Variants in ANKS1B observed in about 807,000 individuals in gnomAD.
ANKS1B encodes the protein ankyrin repeat and sterile alpha motif domain containing 1B.
A neutral mutation model predicts 148.3 loss-of-function variants in ANKS1B; 36 were observed. The ratio of observed to expected loss-of-function variants is 0.24; its 90% CI spans 0.19 to 0.32. The LOEUF (loss-of-function observed/expected upper bound fraction) is 0.32. Among genes scored for constraint, ANKS1B ranks in the 10% least tolerant of loss-of-function variants. ANKS1B has a pLI of 1.00. For synonymous variants in ANKS1B, 542 were observed against 560.8 expected (o/e 0.97, Z 0.47); for missense variants, 1,157 against 1,542.6 (o/e 0.75, Z 4.19).
chr12:99,505,823 G>A (rs989940538), intron 9 of ANKS1B, among the ~76,000 whole-genome samples: 1 of 151,880 alleles, frequency 6.6e-6, no homozygotes, highest in African/African-American at 2.4e-5. Flanking sequence ...AAAACCCAAA[G>A]TAAGTTGAAA....
Position 99,084,976 on chromosome 12 carries a change from A to C in ANKS1B, c.2574T>G (p.Leu858=). The change falls in exon 16 of 27, where the codon CTT becomes CTG. Residue 858 remains leucine, a synonymous_variant. Coordinates refer to ENST00000683438, the MANE Select transcript of ANKS1B (RefSeq NM_001352186.2). The part of the protein sequence containing the change: ...EDQDLLEIGI[L]NSGHRQRILQ... ...GAATTCTTTGTCTGTGCCCAGAATT[A>C]AGGATTCCAATTTCCAACAAATCCT... 6.2e-7 allele frequency: 1 copy of C among 1,611,094 alleles called. No homozygotes were observed. Among genetic ancestry groups the C allele is most frequent in the Non-Finnish European group, 8.5e-7 (1 of 1,178,626 alleles).
At chr12:99,170,376 A>G (rs1786003141) in intron 14 of ANKS1B, among the ~76,000 whole-genome samples, 1 of 152,090 alleles carries the variant, frequency 6.6e-6, no homozygotes, top group African/African-American at 2.4e-5. Context: ...TGCTGCTTCT[A>G]TTTTTAATAT....
intron 2 of ANKS1B, 86 bp from the exon 3 acceptor site, chr12:99,812,397 TGG>T: frequency 7.2e-7 from 1 of 1,395,712 alleles, no homozygotes; most frequent in Non-Finnish European, 9.7e-7. Context: ...TACTAGATGC[TGG>T]GTGGGAATTT....
chr12:99,433,225 G>A (rs1012797874), intron 11 of ANKS1B, among the ~76,000 whole-genome samples: 2 of 151,998 alleles, frequency 1.3e-5, no homozygotes, highest in Non-Finnish European at 2.9e-5. Flanking sequence ...TAATAACACT[G>A]AAGATTTTTT....
Position 98,800,982 on chromosome 12 carries a change from T to C in ANKS1B, c.3270+15A>G. ...TCTCCACTTAGGCCCAAATACTGAATTGAGGGTAACTTACAAAAGCTTTGT... is the reference window on the plus strand; with the variant it reads ...TCTCCACTTAGGCCCAAATACTGAACTGAGGGTAACTTACAAAAGCTTTGT... On this transcript the variant is annotated intron_variant, in intron 21 of 26. Transcript: ENST00000683438. 1 of 1,609,702 alleles carries C rather than the reference T, an allele frequency of 6.2e-7. No homozygotes were observed. The highest frequency in any genetic ancestry group is 8.5e-7 in the Non-Finnish European group (1 of 1,177,610).
chr12:99,244,188 TTA>T (rs1256680039), intron 14 of ANKS1B, among the ~76,000 whole-genome samples, 152 bp downstream of exon 14: 3 of 152,208 alleles, frequency 2.0e-5, no homozygotes, highest in Non-Finnish European at 4.4e-5. Flanking sequence ...CTGATGTTGC[TTA>T]TATGTCATTG....
At chr12:99,150,600 C>G (rs2074570410) in intron 15 of ANKS1B, among the ~76,000 whole-genome samples, 1 of 151,826 alleles carries the variant, frequency 6.6e-6, no homozygotes, top group South Asian at 2.1e-4. Context: ...TTCTTTGGGA[C>G]TTAAAATTTA....
intron 14 of ANKS1B, among the ~76,000 whole-genome samples, chr12:99,190,536 C>A (rs191503102): frequency 1.3e-5 from 2 of 152,218 alleles, no homozygotes; most frequent in Non-Finnish European, 2.9e-5. Context: ...AGAAATCATA[C>A]CACACATCTA....
chr12:98,802,099 T>C (rs918361222), intron 20 of ANKS1B, among the ~76,000 whole-genome samples: 4 of 152,210 alleles, frequency 2.6e-5, no homozygotes, highest in African/African-American at 9.6e-5. Flanking sequence ...CAAGTGGACA[T>C]AACTAAAACT....
At chr12:98,966,501 A>G (rs1019327666) in intron 17 of ANKS1B, among the ~76,000 whole-genome samples, 1 of 152,200 alleles carries the variant, frequency 6.6e-6, no homozygotes, top group African/African-American at 2.4e-5. Flanking sequence ...CGATTCCTCA[A>G]GGATCTAGAA....
At chr12:99,937,080 C>T (rs1464518853) in intron 1 of ANKS1B, among the ~76,000 whole-genome samples, 1 of 152,154 alleles carries the variant, frequency 6.6e-6, no homozygotes, top group Non-Finnish European at 1.5e-5. Flanking sequence ...TATCAATACG[C>T]ACATCTGGAG....
chr12:99,004,810 T>A (rs1598342324), intron 17 of ANKS1B, among the ~76,000 whole-genome samples: 3 of 151,940 alleles, frequency 2.0e-5, no homozygotes, highest in Admixed American at 2.0e-4. Flanking sequence ...ATTGAATAAA[T>A]GAATGCATTG....
chr12:99,524,031 G>A (rs1008701582), intron 9 of ANKS1B, among the ~76,000 whole-genome samples: 5 of 152,188 alleles, frequency 3.3e-5, no homozygotes, highest in Non-Finnish European at 5.9e-5. Flanking sequence ...ACTAATACAA[G>A]AGTGTGGGTT....
Position 98,870,246 on chromosome 12 carries a change from A to G in ANKS1B, c.2779-38110T>C, listed in dbSNP as rs141274003. Among the ~76,000 whole-genome samples, 38 of 152,340 alleles carry G rather than the reference A, an allele frequency of 2.5e-4. 1 individual carries two copies. Among genetic ancestry groups the G allele is most frequent in the African/African-American group, 8.7e-4 (36 of 41,582 alleles). The stretch of plus-strand genomic sequence containing the variant: ...CTGTGATTATTACTGTGCTTTCGGG[A>G]TCACTGTGCAAATGACGATTCTGGT... On this transcript the variant is annotated intron_variant, in intron 17 of 26. Coordinates refer to ENST00000683438, the MANE Select transcript of ANKS1B (RefSeq NM_001352186.2).
chr12:99,389,349 A>T (rs905241514), intron 12 of ANKS1B, among the ~76,000 whole-genome samples: 3 of 152,204 alleles, frequency 2.0e-5, no homozygotes, highest in African/African-American at 7.2e-5. Flanking sequence ...CTCCCCAAAG[A>T]AGACTGTACA....
At chr12:99,614,094 C>T (rs1047320286) in intron 9 of ANKS1B, among the ~76,000 whole-genome samples, 1 of 151,816 alleles carries the variant, frequency 6.6e-6, no homozygotes, top group Non-Finnish European at 1.5e-5. Context: ...CACAACGTCT[C>T]TCAGATTATC....
At chr12:99,785,581 C>G (rs895789374) in intron 4 of ANKS1B, among the ~76,000 whole-genome samples, 1 of 152,022 alleles carries the variant, frequency 6.6e-6, no homozygotes, top group African/African-American at 2.4e-5. Context: ...TTAAGGCATG[C>G]GCCACCACGC....
intron 9 of ANKS1B, among the ~76,000 whole-genome samples, chr12:99,652,460 G>A (rs1001881975): frequency 4.6e-5 from 7 of 151,520 alleles, no homozygotes; most frequent in African/African-American, 1.5e-4. Flanking sequence ...GAAACAGAGC[G>A]AGACTCCATC....
chr12:99,199,228 TAA>T (rs1371231684), intron 14 of ANKS1B, among the ~76,000 whole-genome samples: 3 of 152,160 alleles, frequency 2.0e-5, no homozygotes, highest in African/African-American at 7.2e-5. Context: ...GAGAAATAAA[TAA>T]AAGTCTATTA....
Sources: gnomAD v4.1 joint callset for allele counts (sites outside exome capture counted in the v4.1 genomes callset) on GRCh38, gnomAD v4.1.1 for gene constraint, MANE v1.5 for transcripts, NCBI Gene and HGNC (gene_info 2026-07-23, HGNC 2026-07-21) for gene names.